LIMA1: variants seen among roughly 807,000 people sequenced by gnomAD.
The protein encoded by LIMA1 is LIM domain and actin-binding protein 1.
A neutral mutation model predicts 62.6 loss-of-function variants in LIMA1; 52 were observed. The observed-to-expected ratio is 0.83, with a 90% CI of 0.67 to 1.05. LIMA1 has a LOEUF of 1.05. Ranked by LOEUF, LIMA1 falls within the 50% of genes least tolerant of loss-of-function variation. The pLI, the probability that LIMA1 is intolerant of heterozygous loss-of-function variation, is 0.00. For missense variants in LIMA1, 780 were observed against 902.2 expected (o/e 0.86, Z 1.74); for synonymous variants, 302 against 317.8 (o/e 0.95, Z 0.53).
At chr12:50,219,071 G>T (rs998068888) in intron 4 of LIMA1, among the ~76,000 whole-genome samples, 4 of 152,114 alleles carry the variant, frequency 2.6e-5, no homozygotes, top group Non-Finnish European at 5.9e-5. Context: ...AAGAATAAAA[G>T]ATTCAAAAAG....
At chr12:50,201,294 T>C in intron 6 of LIMA1, 7 of 1,003,958 alleles carry the variant, frequency 7.0e-6, no homozygotes, top group Non-Finnish European at 8.3e-6. Context: ...TAATAGAAAA[T>C]ATACTGACCA....
chr12:50,252,846 A>G (rs1406190332), intron 1 of LIMA1, among the ~76,000 whole-genome samples: 1 of 152,206 alleles, frequency 6.6e-6, no homozygotes, highest in Non-Finnish European at 1.5e-5. Context: ...AGTTTCTGAA[A>G]AAGCATGTAA....
chr12:50,201,073 C>T (rs1286809475), intron 6 of LIMA1, 189 bp from the exon 7 acceptor site: 3 of 1,388,590 alleles, frequency 2.2e-6, no homozygotes, highest in East Asian at 2.8e-5. Flanking sequence ...TTTGTGGACA[C>T]ATACCTCAGA....
Position 50,241,933 on chromosome 12 carries a change from A to ATTT in LIMA1, c.119+6697_119+6699dup, listed in dbSNP as rs577308413. Among the ~76,000 whole-genome samples the ATTT allele has an allele frequency of 2.7e-3, 100 of 36,428 alleles. 17 individuals are homozygous for ATTT. The highest frequency in any genetic ancestry group is 3.0e-3 in the Non-Finnish European group (61 of 20,242). The allele number at this position is 36,428 out of a possible 152,430, so 23.9% of individuals were successfully genotyped here. Reference sequence around the variant, plus strand: ...AATTTTGTTCCTCTTTCCTTCCCAGATTTTTTTTTTTTTTTTTTTTTTTTT... The same window carrying ATTT: ...AATTTTGTTCCTCTTTCCTTCCCAGATTTTTTTTTTTTTTTTTTTTTTTTTTTT... On this transcript the variant is annotated intron_variant, in intron 2 of 10. Coordinates refer to ENST00000341247, the MANE Select transcript of LIMA1 (RefSeq NM_016357.5).
At chr12:50,275,041 ATCAGATATATT>A (rs1942259595) in intron 1 of LIMA1, among the ~76,000 whole-genome samples, 1 of 152,098 alleles carries the variant, frequency 6.6e-6, no homozygotes, top group African/African-American at 2.4e-5. Context: ...TGTTTGCAAG[ATCAGATATATT>A]TCATGTACTA....
intron 1 of LIMA1, among the ~76,000 whole-genome samples, chr12:50,253,095 C>T (rs548297104): frequency 5.9e-5 from 9 of 152,270 alleles, no homozygotes; most frequent in South Asian, 2.1e-4. Context: ...CTGGCATCAT[C>T]AAACCCGAAT....
intron 9 of LIMA1, among the ~76,000 whole-genome samples, chr12:50,184,842 T>C (rs1940590544): frequency 6.6e-6 from 1 of 152,120 alleles, no homozygotes; most frequent in African/African-American, 2.4e-5. Context: ...TGTTTTGTTT[T>C]GTTTTTTGAG....
In LIMA1 at chr12:50,283,491, C is replaced by T. The variant is rs1356728323; in HGVS notation, c.-95G>A. The T allele has an allele frequency of 6.6e-6, 1 of 152,270 alleles. No homozygotes were observed. The highest frequency in any genetic ancestry group is 1.5e-5 in the Non-Finnish European group (1 of 68,096). 9.4% of individuals were successfully genotyped at this position (152,270 alleles called of 1,614,324 possible). On this transcript the variant is annotated 5_prime_UTR_variant, in exon 1 of 11. The change creates a new upstream start codon in the 5' untranslated region. Transcript: ENST00000341247. ...AGGTCCCGGCGCTCTACCTAGCGCA[C>T]CTGTCGCGACCAAGCTGCTAACACC...
intron 9 of LIMA1, chr12:50,188,742 T>A (rs904245853): frequency 7.2e-5 from 11 of 152,180 alleles, no homozygotes; most frequent in African/African-American, 1.9e-4. Flanking sequence ...GCTCACCCCG[T>A]GGAACTTGAG....
rs146210197 is a variant in LIMA1 at position 50,237,530 on chromosome 12, G to A, written c.120-5820C>T. 1.7e-3 allele frequency among the ~76,000 whole-genome samples: 265 copies of A among 152,168 alleles called. 6 individuals carry two copies. In the East Asian group the frequency reaches 0.043, roughly 25 times the overall value. ...CTCATGCCTGTAGTCCCAGCAACTC[G>A]AGCGGCTGAGGCACGAGAATCCTTT... On this transcript the variant is annotated intron_variant, in intron 2 of 10. Coordinates refer to ENST00000341247, the MANE Select transcript of LIMA1 (RefSeq NM_016357.5).
At chr12:50,204,157 T>G (rs966986403) in intron 6 of LIMA1, among the ~76,000 whole-genome samples, 5 of 152,214 alleles carry the variant, frequency 3.3e-5, no homozygotes, top group African/African-American at 1.2e-4. Context: ...AGTCTTCTTC[T>G]TTCTTCCCTC....
chr12:50,271,106 A>G (rs1942206711), intron 1 of LIMA1, among the ~76,000 whole-genome samples: 1 of 150,564 alleles, frequency 6.6e-6, no homozygotes, highest in African/African-American at 2.5e-5. Context: ...CAAACAAACA[A>G]ACAAAAAACT....
intron 2 of LIMA1, among the ~76,000 whole-genome samples, chr12:50,235,843 A>G (rs180758635): frequency 2.0e-4 from 31 of 152,300 alleles, no homozygotes; most frequent in Admixed American, 1.7e-3. Flanking sequence ...GAAAATGACA[A>G]CTGAATAAAT....
chr12:50,180,439 C>A (rs1940472593), intron 10 of LIMA1, among the ~76,000 whole-genome samples: 1 of 152,160 alleles, frequency 6.6e-6, no homozygotes, highest in Non-Finnish European at 1.5e-5. Flanking sequence ...CACACCACTG[C>A]ACTCCAGCCT....
chr12:50,229,870 C>T (rs913713490), intron 3 of LIMA1: 2 of 152,406 alleles, frequency 1.3e-5, no homozygotes, highest in Admixed American at 6.5e-5. Context: ...GACATCCGCA[C>T]AAGCGGTTCC....
chr12:50,195,152 A>AT (rs1398578264), intron 8 of LIMA1, among the ~76,000 whole-genome samples: 1 of 152,084 alleles, frequency 6.6e-6, no homozygotes, highest in Non-Finnish European at 1.5e-5. Context: ...GCAGTGAGCT[A>AT]TGATCACACC....
chr12:50,195,812 C>A lies in LIMA1; in HGVS notation c.1030+18G>T, dbSNP rs758876567. On this transcript the variant is annotated intron_variant, in intron 8 of 10. Transcript: ENST00000341247. ...AAAACAAGAACCTCATCCTCCAGAT[C>A]TAAGAAAGAATGCTTACGGGAGTCA... 6.4e-7 allele frequency: 1 copy of A among 1,565,720 alleles called. No individual in the cohort carries two copies. Among genetic ancestry groups the A allele is most frequent in the Non-Finnish European group, 8.6e-7 (1 of 1,158,530 alleles).
intron 1 of LIMA1, among the ~76,000 whole-genome samples, chr12:50,261,575 C>T (rs1479577829): frequency 6.6e-6 from 1 of 152,104 alleles, no homozygotes; most frequent in Non-Finnish European, 1.5e-5. Context: ...TTGGGTGACA[C>T]TTTGTTCCAG....
intron 4 of LIMA1, among the ~76,000 whole-genome samples, chr12:50,213,614 C>T (rs1026176467): frequency 5.3e-5 from 8 of 152,214 alleles, no homozygotes; most frequent in African/African-American, 1.9e-4. Flanking sequence ...CTCATTGTAA[C>T]TCACTGATGA....
Sources: gnomAD v4.1 joint callset for allele counts (sites outside exome capture counted in the v4.1 genomes callset) on GRCh38, gnomAD v4.1.1 for gene constraint, MANE v1.5 for transcripts, NCBI Gene and HGNC (gene_info 2026-07-23, HGNC 2026-07-21) for gene names.